The following NALF1 variants were observed in gnomAD, a reference collection of about 807,000 sequenced individuals.
NALF1 encodes family with sequence similarity 155 member A.
In NALF1, 3 loss-of-function variants were observed where a neutral mutation model predicts 48.4. That is an observed-to-expected ratio of 0.06 (90% CI 0.03 to 0.16). The LOEUF is 0.16. Ranked by LOEUF, NALF1 falls within the 10% of genes least tolerant of loss-of-function variation. NALF1 has a pLI of 1.00. For missense variants in NALF1, 526 were observed against 571.5 expected, an observed-to-expected ratio of 0.92 and a Z score of 0.81; for synonymous variants, 262 against 245.7, an observed-to-expected ratio of 1.07 and a Z score of -0.62.
chr13:107,272,977 T>C (rs1482771749), intron 1 of NALF1, among the ~76,000 whole-genome samples: 1 of 152,144 alleles, frequency 6.6e-6, no homozygotes, highest in African/African-American at 2.4e-5. Flanking sequence ...TTTGATGGGG[T>C]TCAGGACATG....
At chr13:107,611,371 G>A (rs893798227) in intron 1 of NALF1, among the ~76,000 whole-genome samples, 4 of 152,268 alleles carry the variant, frequency 2.6e-5, no homozygotes, top group South Asian at 2.1e-4. Context: ...ACTGAAAACA[G>A]GATCTGGAAG....
chr13:107,818,871 C>CAAAAAAAAA lies in NALF1; in HGVS notation c.915+46802_915+46810dup, dbSNP rs774372636. On this transcript the variant is annotated intron_variant, in intron 1 of 2. Transcript: ENST00000375915. ...TGGGCGACAGAGCGAGACTCCGTCTCAAAAAAAAAAAAAAAAAAAAAAAAA... is the reference window on the plus strand; with the variant it reads ...TGGGCGACAGAGCGAGACTCCGTCTCAAAAAAAAAAAAAAAAAAAAAAAAAAAAAAAAAA... Among the ~76,000 whole-genome samples the CAAAAAAAAA allele has an allele frequency of 1.3e-3, 98 of 73,812 alleles. 1 individual carries two copies. Among genetic ancestry groups the CAAAAAAAAA allele is most frequent in the Non-Finnish European group, 2.1e-3 (68 of 32,998 alleles). The allele number at this position is 73,812 out of a possible 152,430, so 48.4% of individuals were successfully genotyped here.
chr13:107,721,353 TGACAGTCCTTCCA>T (rs1875980772), intron 1 of NALF1, among the ~76,000 whole-genome samples: 1 of 152,192 alleles, frequency 6.6e-6, no homozygotes, highest in Admixed American at 6.5e-5. Flanking sequence ...CCCTCCACTG[TGACAGTCCTTCCA>T]GAACACAACT....
chr13:107,174,922 C>A (rs1251797025), intron 2 of NALF1, among the ~76,000 whole-genome samples: 10 of 150,960 alleles, frequency 6.6e-5, no homozygotes, highest in Non-Finnish European at 1.2e-4. Context: ...CTCGCTCTGT[C>A]GCCCAGGCTG....
At chr13:107,717,139 C>G (rs1422552181) in intron 1 of NALF1, among the ~76,000 whole-genome samples, 1 of 152,140 alleles carries the variant, frequency 6.6e-6, no homozygotes, top group African/African-American at 2.4e-5. Context: ...TATGTTGTGC[C>G]AGTAAGATTT....
intron 1 of NALF1, among the ~76,000 whole-genome samples, chr13:107,337,974 G>T (rs544305506): frequency 2.0e-5 from 3 of 152,194 alleles, no homozygotes; most frequent in Non-Finnish European, 4.4e-5. Context: ...CTGTGGTTAT[G>T]CTGGGAAAAT....
At chr13:107,777,544 G>A (rs1470460903) in intron 1 of NALF1, among the ~76,000 whole-genome samples, 1 of 152,046 alleles carries the variant, frequency 6.6e-6, no homozygotes, top group Non-Finnish European at 1.5e-5. Flanking sequence ...AAAGCGTGTG[G>A]CACCTTCCCC....
At chr13:107,432,366 T>C (rs1044727296) in intron 1 of NALF1, among the ~76,000 whole-genome samples, 1 of 152,122 alleles carries the variant, frequency 6.6e-6, no homozygotes, top group Admixed American at 6.6e-5. Context: ...CCAAACTATA[T>C]TACTATCATC....
At chr13:107,447,942 A>AC (rs1884677930) in intron 1 of NALF1, among the ~76,000 whole-genome samples, 1 of 152,188 alleles carries the variant, frequency 6.6e-6, no homozygotes, top group South Asian at 2.1e-4. Context: ...AGTCAGAAAC[A>AC]TTTAAAAGTC....
At chr13:107,711,553 CTT>C (rs1594220629) in intron 1 of NALF1, among the ~76,000 whole-genome samples, 1 of 152,098 alleles carries the variant, frequency 6.6e-6, no homozygotes, top group African/African-American at 2.4e-5. Flanking sequence ...CCAGGCTGGT[CTT>C]TATAGTGTTC....
chr13:107,797,296 C>T (rs752478870), intron 1 of NALF1, among the ~76,000 whole-genome samples: 1 of 152,308 alleles, frequency 6.6e-6, no homozygotes, highest in East Asian at 1.9e-4. Context: ...AGCTCTGCTT[C>T]CCGGGTTCAT....
chr13:107,332,545 G>A (rs1440836936), intron 1 of NALF1, among the ~76,000 whole-genome samples: 1 of 152,202 alleles, frequency 6.6e-6, no homozygotes, highest in Non-Finnish European at 1.5e-5. Flanking sequence ...CAGCTGTGGG[G>A]CCAACATATT....
At chr13:107,717,686 A>C (rs1178740142) in intron 1 of NALF1, among the ~76,000 whole-genome samples, 1 of 152,128 alleles carries the variant, frequency 6.6e-6, no homozygotes, top group South Asian at 2.1e-4. Context: ...AAAAAAAGGA[A>C]GGTTTTTACC....
chr13:107,606,903 T>C (rs1879088670), intron 1 of NALF1, among the ~76,000 whole-genome samples: 2 of 152,210 alleles, frequency 1.3e-5, no homozygotes, highest in Admixed American at 1.3e-4. Flanking sequence ...TTTGTCTCTA[T>C]TCCACAGAAA....
At chr13:107,741,268 A>G (rs565524317) in intron 1 of NALF1, among the ~76,000 whole-genome samples, 1 of 152,304 alleles carries the variant, frequency 6.6e-6, no homozygotes, top group Non-Finnish European at 1.5e-5. Flanking sequence ...TGTTTCCCCA[A>G]ATAGCAATGT....
intron 1 of NALF1, among the ~76,000 whole-genome samples, chr13:107,630,430 C>T (rs541744002): frequency 6.6e-6 from 1 of 152,184 alleles, no homozygotes; most frequent in African/African-American, 2.4e-5. Flanking sequence ...AATATCACCC[C>T]CCGTCCAGCA....
At chr13:107,725,261 A>G (rs1013283875) in intron 1 of NALF1, among the ~76,000 whole-genome samples, 13 of 152,208 alleles carry the variant, frequency 8.5e-5, no homozygotes, top group South Asian at 2.1e-4. Flanking sequence ...TTATAAACAC[A>G]TTAGTTTTGT....
chr13:107,295,372 G>A (rs1881706116), intron 1 of NALF1, among the ~76,000 whole-genome samples: 1 of 152,046 alleles, frequency 6.6e-6, no homozygotes, highest in Admixed American at 6.6e-5. Flanking sequence ...TAATACATTT[G>A]CTTTATCTAA....
intron 1 of NALF1, among the ~76,000 whole-genome samples, chr13:107,487,454 C>A (rs2139066133): frequency 6.6e-6 from 1 of 152,274 alleles, no homozygotes; most frequent in Admixed American, 6.5e-5. Flanking sequence ...ACTTTGATTA[C>A]TTAAAATACA....
Sources: gnomAD v4.1 joint callset for allele counts (sites outside exome capture counted in the v4.1 genomes callset) on GRCh38, gnomAD v4.1.1 for gene constraint, MANE v1.5 for transcripts, NCBI Gene and HGNC (gene_info 2026-07-23, HGNC 2026-07-21) for gene names.